Variants in RBPJ observed in about 807,000 individuals in gnomAD.
RBPJ encodes recombining binding protein suppressor of hairless.
RBPJ carries 9 observed loss-of-function variants against 67.8 expected under a neutral mutation model. The observed-to-expected ratio is 0.13, with a 90% CI of 0.08 to 0.23. The LOEUF (loss-of-function observed/expected upper bound fraction) is 0.23. Among genes scored for constraint, RBPJ ranks in the 10% least tolerant of loss-of-function variants. The pLI is 1.00. For missense variants in RBPJ, 305 were observed against 595.6 expected (o/e 0.51, Z 5.08); for synonymous variants, 198 against 203.3 (o/e 0.97, Z 0.22).
chr4:26,194,132 AT>A (rs1717668934), intron 1 of RBPJ, among the ~76,000 whole-genome samples: 1 of 152,150 alleles, frequency 6.6e-6, no homozygotes, highest in African/African-American at 2.4e-5. Flanking sequence ...CAGAACATTC[AT>A]CCCGTTTACT....
chr4:26,319,912 G>A (rs753316186), upstream of RBPJ: 5 of 1,588,126 alleles, frequency 3.1e-6, no homozygotes, highest in Admixed American at 8.4e-5. Context: ...GCGGGATTCG[G>A]GCCCTTCACC....
At chr4:26,332,265 A>G (rs1437006080) in intron 1 of RBPJ, among the ~76,000 whole-genome samples, 1 of 152,084 alleles carries the variant, frequency 6.6e-6, no homozygotes, top group African/African-American at 2.4e-5. Context: ...AATTATTGGT[A>G]AGTAAGCCAT....
intron 1 of RBPJ, among the ~76,000 whole-genome samples, chr4:26,216,601 C>T (rs1718729663): frequency 6.6e-6 from 1 of 151,950 alleles, no homozygotes; most frequent in African/African-American, 2.4e-5. Flanking sequence ...CAGTGGGGAG[C>T]TCCTAGAGGG....
At chr4:26,326,349 C>T (rs966602930) in intron 1 of RBPJ, among the ~76,000 whole-genome samples, 2 of 151,480 alleles carry the variant, frequency 1.3e-5, no homozygotes, top group African/African-American at 4.9e-5. Flanking sequence ...TTAGAAAATA[C>T]TACATTATAT....
chr4:26,119,625 A>C, the RBPJ span, among the ~76,000 whole-genome samples: 1 of 152,008 alleles, frequency 6.6e-6, no homozygotes. Flanking sequence ...TCCGTGTTCA[A>C]TTTTATTTTG....
At chr4:26,320,476 G>A, upstream of RBPJ, 1 of 426,590 alleles carries the variant, frequency 2.3e-6, no homozygotes, top group East Asian at 3.8e-5. Flanking sequence ...CAAACGCCGA[G>A]ATTAGCATAA....
At chr4:26,368,434 C>T (rs1276478047) in intron 1 of RBPJ, among the ~76,000 whole-genome samples, 2 of 152,134 alleles carry the variant, frequency 1.3e-5, no homozygotes, top group South Asian at 2.1e-4. Context: ...TTCATTGTCA[C>T]TGCTTTCCAC....
intron 2 of RBPJ, among the ~76,000 whole-genome samples, chr4:26,393,338 C>T (rs1029396602): frequency 2.0e-5 from 3 of 152,050 alleles, no homozygotes; most frequent in African/African-American, 4.8e-5. Context: ...CAGAAATTTT[C>T]CCCTTTGATA....
chr4:26,114,497 A>ATATATATATATATATATATATATGTG, the RBPJ span, among the ~76,000 whole-genome samples: 3 of 140,070 alleles, frequency 2.1e-5, no homozygotes, highest in African/African-American at 8.3e-5. Context: ...ATATATATAT[A>ATATATATATATATATATATATATGTG]TGTATGTGTG....
the RBPJ span, among the ~76,000 whole-genome samples, chr4:26,131,259 T>A: frequency 1.3e-5 from 2 of 152,204 alleles, no homozygotes; most frequent in East Asian, 3.8e-4. Flanking sequence ...TACAAGGTGG[T>A]TGCCATGTTT....
intron 1 of RBPJ, among the ~76,000 whole-genome samples, chr4:26,179,493 T>A (rs1366938889): frequency 6.6e-6 from 1 of 151,668 alleles, no homozygotes; most frequent in Non-Finnish European, 1.5e-5. Flanking sequence ...CGCAAATGAG[T>A]CCATTCACGC....
intron 4 of RBPJ, among the ~76,000 whole-genome samples, chr4:26,420,294 T>G (rs1360120856): frequency 6.6e-6 from 1 of 152,192 alleles, no homozygotes; most frequent in East Asian, 1.9e-4. Flanking sequence ...AAGAAAAGGC[T>G]GTTTTTTTAA....
At chr4:26,166,873 C>A (rs1374672005) in intron 1 of RBPJ, among the ~76,000 whole-genome samples, 1 of 152,146 alleles carries the variant, frequency 6.6e-6, no homozygotes, top group East Asian at 1.9e-4. Context: ...GTCTTTAATC[C>A]ATCTTGAATT....
Position 26,244,297 on chromosome 4 carries a change from A to G in RBPJ, c.-167+80683A>G, listed in dbSNP as rs1471920133. Among the ~76,000 whole-genome samples the G allele has an allele frequency of 8.1e-4, 106 of 131,092 alleles. 4 individuals are homozygous for G. The highest frequency in any genetic ancestry group is 1.4e-3 in the Non-Finnish European group (85 of 61,306). The allele number at this position is 131,092 out of a possible 152,430, so 86.0% of individuals were successfully genotyped here. Reference sequence around the variant, plus strand: ...TATATGTGTGTATATGTATACACATATGTGTACACATATGTGTGTATATGT... The same window carrying G: ...TATATGTGTGTATATGTATACACATGTGTGTACACATATGTGTGTATATGT... On this transcript the variant is annotated intron_variant, in intron 1 of 4. Transcript: ENST00000512351.
chr4:26,145,028 C>CTTTTTT, the RBPJ span, among the ~76,000 whole-genome samples: 1 of 146,680 alleles, frequency 6.8e-6, no homozygotes, highest in African/African-American at 2.6e-5. Flanking sequence ...TCTTCTTCTT[C>CTTTTTT]TTTTTTTTTT....
the RBPJ span, among the ~76,000 whole-genome samples, chr4:26,106,814 T>A: frequency 6.6e-6 from 1 of 152,178 alleles, no homozygotes; most frequent in African/African-American, 2.4e-5. Flanking sequence ...CTCCCTTACA[T>A]CTACAGAAAT....
intron 1 of RBPJ, among the ~76,000 whole-genome samples, chr4:26,225,153 C>T (rs1719038522): frequency 6.6e-6 from 1 of 152,032 alleles, no homozygotes; most frequent in Admixed American, 6.6e-5. Flanking sequence ...TTAACAGAAC[C>T]AGAGTTGGAG....
intron 1 of RBPJ, 39 bp downstream of exon 1, chr4:26,321,087 G>A (rs1315854215): frequency 6.5e-7 from 1 of 1,528,536 alleles, no homozygotes; most frequent in Non-Finnish European, 9.0e-7. Flanking sequence ...AACCGGGAAA[G>A]TTGCGGGCGT....
intron 1 of RBPJ, among the ~76,000 whole-genome samples, chr4:26,240,648 C>T (rs1200315329): frequency 6.6e-6 from 1 of 152,150 alleles, no homozygotes; most frequent in Non-Finnish European, 1.5e-5. Flanking sequence ...CCAAAATGAT[C>T]ATTTGGATTC....
Sources: allele counts gnomAD v4.1 joint callset (sites outside exome capture counted in the v4.1 genomes callset), GRCh38; gene constraint gnomAD v4.1.1; transcripts MANE v1.5; gene names NCBI Gene and HGNC (gene_info 2026-07-23, HGNC 2026-07-21).